Variants in PTPRK observed in about 807,000 individuals in gnomAD.
PTPRK encodes the protein receptor-type tyrosine-protein phosphatase kappa.
A neutral mutation model predicts 178.0 loss-of-function variants in PTPRK; 75 were observed. That is an observed-to-expected ratio of 0.42 (90% CI 0.35 to 0.51). The LOEUF is 0.51. Ranked by LOEUF, PTPRK falls within the 20% of genes least tolerant of loss-of-function variation. The pLI, the probability that PTPRK is intolerant of heterozygous loss-of-function variation, is 0.02. For missense variants in PTPRK, 1,441 were observed against 1,797.8 expected, an observed-to-expected ratio of 0.80 and a Z score of 3.59; for synonymous variants, 637 against 620.6, an observed-to-expected ratio of 1.03 and a Z score of -0.39.
At chr6:128,368,917 T>A (rs1835879619) in intron 2 of PTPRK, among the ~76,000 whole-genome samples, 1 of 150,684 alleles carries the variant, frequency 6.6e-6, no homozygotes, top group African/African-American at 2.4e-5. Context: ...TCACTCTATT[T>A]AAAAAAACAA....
At chr6:127,980,225 G>A (rs1040370797) in intron 25 of PTPRK, among the ~76,000 whole-genome samples, 4 of 152,220 alleles carry the variant, frequency 2.6e-5, no homozygotes, top group African/African-American at 9.6e-5. Flanking sequence ...CAGGAGAATC[G>A]CTTGAACCTG....
At position 128,354,231 on chromosome 6, in the gene PTPRK, GTTTT is replaced by G. The variant is rs756148554; in HGVS notation, c.224-31925_224-31922del. ...ACATGTATTTTGGTTTTTTGTTTAT[GTTTT>G]TTTTTTTTTTTTTTTTTTTTGAGAC... On this transcript the variant is annotated intron_variant, in intron 2 of 29. Transcript: ENST00000368226. 5.9e-3 allele frequency among the ~76,000 whole-genome samples: 289 copies of G among 49,352 alleles called. 3 individuals are homozygous for G. Among genetic ancestry groups the G allele is most frequent in the African/African-American group, 0.026 (275 of 10,624 alleles). 32.4% of individuals were successfully genotyped at this position (49,352 alleles called of 152,430 possible).
chr6:128,148,845 T>C (rs568743177), intron 7 of PTPRK, among the ~76,000 whole-genome samples: 2 of 152,200 alleles, frequency 1.3e-5, no homozygotes, highest in African/African-American at 2.4e-5. Context: ...GTAAAAACAC[T>C]AGTGTATAGA....
chr6:128,163,354 CAAAT>C (rs1285565775), intron 7 of PTPRK, among the ~76,000 whole-genome samples: 13 of 150,830 alleles, frequency 8.6e-5, no homozygotes, highest in African/African-American at 2.2e-4. Flanking sequence ...TTTATATTGA[CAAAT>C]AAAAACATTA....
chr6:128,336,191 GT>G (rs67818767), intron 2 of PTPRK, among the ~76,000 whole-genome samples: 140,275 of 147,502 alleles, frequency 0.95, 66,905 homozygotes, highest in East Asian at 0.99. Context: ...CCAACAGTGT[GT>G]TTTTTTTTTT....
intron 13 of PTPRK, among the ~76,000 whole-genome samples, chr6:128,026,349 T>A (rs545432435): frequency 6.6e-6 from 1 of 152,268 alleles, no homozygotes; most frequent in Admixed American, 6.5e-5. Flanking sequence ...TTCCCTTACA[T>A]CAAGTTAAAG....
intron 2 of PTPRK, 39 bp downstream of exon 2, chr6:128,397,527 A>C: frequency 5.0e-6 from 8 of 1,606,942 alleles, no homozygotes; most frequent in African/African-American, 4.0e-5. Context: ...ATACTGCAAA[A>C]CTATTCCCCC....
intron 3 of PTPRK, among the ~76,000 whole-genome samples, chr6:128,307,312 T>C (rs1057415522): frequency 6.6e-6 from 1 of 151,222 alleles, no homozygotes; most frequent in Non-Finnish European, 1.5e-5. Context: ...AATATCCTAC[T>C]TTATGCTGTA....
chr6:128,460,344 G>A (rs1480978651), intron 1 of PTPRK, among the ~76,000 whole-genome samples: 2 of 151,988 alleles, frequency 1.3e-5, no homozygotes, highest in Admixed American at 1.3e-4. Context: ...AGGAAGTGGA[G>A]ACCAGCCTAG....
At chr6:128,516,463 T>A (rs1049738485) in intron 1 of PTPRK, among the ~76,000 whole-genome samples, 2 of 152,098 alleles carry the variant, frequency 1.3e-5, no homozygotes, top group African/African-American at 4.8e-5. Flanking sequence ...GGAGTTTTAA[T>A]GAATTGAGGG....
intron 1 of PTPRK, among the ~76,000 whole-genome samples, chr6:128,422,493 T>A (rs1372109113): frequency 1.3e-5 from 2 of 152,140 alleles, no homozygotes; most frequent in Admixed American, 1.3e-4. Context: ...TGTTTATTAT[T>A]CACTTCATCT....
intron 11 of PTPRK, among the ~76,000 whole-genome samples, chr6:128,077,546 C>T (rs958076632): frequency 4.7e-5 from 7 of 150,038 alleles, no homozygotes; most frequent in African/African-American, 7.6e-5. Context: ...ATGGCTAATA[C>T]GTGCTCACGA....
intron 21 of PTPRK, among the ~76,000 whole-genome samples, chr6:127,988,570 A>C (rs1341151661): frequency 6.6e-6 from 1 of 151,992 alleles, no homozygotes; most frequent in Non-Finnish European, 1.5e-5. Context: ...ATGCTTCTAA[A>C]TCTTTGTGAC....
chr6:128,299,950 A>G (rs539508776), intron 3 of PTPRK, among the ~76,000 whole-genome samples: 5 of 152,260 alleles, frequency 3.3e-5, no homozygotes, highest in African/African-American at 9.6e-5. Context: ...ACAAAATGGG[A>G]GAAAATTTTC....
At chr6:128,182,228 G>T (rs141847652) in intron 7 of PTPRK, among the ~76,000 whole-genome samples, 403 of 152,160 alleles carry the variant, frequency 2.6e-3, no homozygotes, top group African/African-American at 9.5e-3. Flanking sequence ...TCAGAAAAAA[G>T]AATCAGATAA....
chr6:128,333,848 C>T (rs1359092773), intron 2 of PTPRK, among the ~76,000 whole-genome samples: 2 of 152,212 alleles, frequency 1.3e-5, no homozygotes, highest in Non-Finnish European at 2.9e-5. Flanking sequence ...CCTATCTCAG[C>T]TTTGATATGC....
intron 1 of PTPRK, among the ~76,000 whole-genome samples, chr6:128,443,566 G>A (rs974723199): frequency 1.3e-5 from 2 of 152,130 alleles, no homozygotes; most frequent in African/African-American, 2.4e-5. Context: ...AGACTAAAAC[G>A]GTGAGGTTGG....
intron 5 of PTPRK, chr6:128,235,458 C>T: frequency 6.8e-6 from 2 of 295,032 alleles, no homozygotes; most frequent in Non-Finnish European, 1.5e-5. Context: ...ATCTTATTTC[C>T]CATAAGTAGA....
At chr6:128,059,882 A>G (rs1459472902) in intron 13 of PTPRK, among the ~76,000 whole-genome samples, 3 of 152,192 alleles carry the variant, frequency 2.0e-5, no homozygotes, top group Admixed American at 2.0e-4. Context: ...ATATGCAAAC[A>G]ATAATAGTTT....
Sources: gnomAD v4.1 joint callset for allele counts (sites outside exome capture counted in the v4.1 genomes callset) on GRCh38, gnomAD v4.1.1 for gene constraint, MANE v1.5 for transcripts, NCBI Gene and HGNC (gene_info 2026-07-23, HGNC 2026-07-21) for gene names.